Variants in UNC80 observed in about 807,000 individuals in gnomAD.
The protein encoded by UNC80 is unc-80 subunit of NALCN channel complex.
UNC80 carries 164 observed loss-of-function variants against 384.6 expected under a neutral mutation model. The ratio of observed to expected loss-of-function variants is 0.43; its 90% confidence interval spans 0.38 to 0.49. The LOEUF (loss-of-function observed/expected upper bound fraction) is 0.49, where lower values mean the gene tolerates loss of function less well. Among genes scored for constraint, UNC80 ranks in the 20% least tolerant of loss-of-function variants. UNC80 has a pLI of 0.00. For synonymous variants in UNC80, 1,486 were observed against 1,527.8 expected (o/e 0.97, Z 0.64); for missense variants, 3,330 against 4,143.0 (o/e 0.80, Z 5.39).
At chr2:209,979,032 T>A (rs2093087042) in intron 59 of UNC80, among the ~76,000 whole-genome samples, 1 of 152,174 alleles carries the variant, frequency 6.6e-6, no homozygotes, top group African/African-American at 2.4e-5. Context: ...GTGGATCACC[T>A]GAGGTCAGGA....
At chr2:209,903,669 A>T (rs1208501288) in intron 28 of UNC80, among the ~76,000 whole-genome samples, 1 of 128,208 alleles carries the variant, frequency 7.8e-6, no homozygotes, top group Non-Finnish European at 1.6e-5. Context: ...TATACTATAT[A>T]TACACACATG....
Position 209,820,203 on chromosome 2 carries a change from A to G in UNC80, c.1963-108A>G, listed in dbSNP as rs1005356300. 19 of 1,377,304 alleles carry G rather than the reference A, an allele frequency of 1.4e-5. No individual in the cohort carries two copies. The African/African-American group carries it at 1.8e-4, about 13-fold the overall frequency. 85.3% of individuals were successfully genotyped at this position (1,377,304 alleles called of 1,614,324 possible). On this transcript the variant is annotated intron_variant, in intron 12 of 64. Transcript: ENST00000673920. ...CAGTTGTCTAAATTATTTCTACCCA[A>G]TTTCATAGACTAGCCTAAGGAAATG...
chr2:209,805,480 G>A lies in UNC80; in HGVS notation c.939-8100G>A, dbSNP rs1409479564. ...GCTGAAACAGCTTAGCTGAGTGATTGTGGCACAGAGTCTCTCAAGCTGTTG... is the reference window on the plus strand; with the variant it reads ...GCTGAAACAGCTTAGCTGAGTGATTATGGCACAGAGTCTCTCAAGCTGTTG... On this transcript the variant is annotated intron_variant, in intron 7 of 64. Transcript: ENST00000673920. 2.0e-5 allele frequency among the ~76,000 whole-genome samples: 3 copies of A among 152,164 alleles called. No individual in the cohort carries two copies. In the East Asian group the frequency reaches 5.8e-4, roughly 29 times the overall value.
In UNC80 at chr2:209,822,998, T is replaced by C. The variant is rs546296897; in HGVS notation, c.2331+2319T>C. Among the ~76,000 whole-genome samples the C allele has an allele frequency of 3.9e-5, 6 of 152,346 alleles. No individual in the cohort carries two copies. The South Asian group carries it at 1.2e-3, about 32-fold the overall frequency. ...CTGATGGTGGGTCAAATGCCTTCTTTCTGTGATTCACACTGGTTTGTTCTG... is the reference window on the plus strand; with the variant it reads ...CTGATGGTGGGTCAAATGCCTTCTTCCTGTGATTCACACTGGTTTGTTCTG... On this transcript the variant is annotated intron_variant, in intron 13 of 64. Coordinates refer to ENST00000673920, the MANE Select transcript of UNC80 (RefSeq NM_001371986.1).
chr2:209,926,790 A>G, intron 35 of UNC80, 53 bp from the exon 36 acceptor site: 3 of 1,544,744 alleles, frequency 1.9e-6, no homozygotes, highest in Non-Finnish European at 1.8e-6. Context: ...CAACAGTAGC[A>G]ACAAAGAATT....
intron 13 of UNC80, among the ~76,000 whole-genome samples, chr2:209,822,556 AC>A (rs113706523): frequency 0.012 from 1,823 of 152,250 alleles, 39 homozygotes; most frequent in African/African-American, 0.04. Context: ...GAAATTAGAA[AC>A]CAAAAAAAAG....
chr2:209,863,888 G>A (rs536885973), intron 22 of UNC80, among the ~76,000 whole-genome samples: 1 of 151,772 alleles, frequency 6.6e-6, no homozygotes, highest in Non-Finnish European at 1.5e-5. Flanking sequence ...ATGGAGAGAC[G>A]CTGCGATCAT....
At chr2:209,844,998 T>A (rs2082075463) in intron 21 of UNC80, 1 of 151,636 alleles carries the variant, frequency 6.6e-6, no homozygotes, top group Non-Finnish European at 1.5e-5. Context: ...CCCAAAGTGA[T>A]AGTATTTACA....
At chr2:209,781,172 A>G (rs1245885235) in intron 4 of UNC80, among the ~76,000 whole-genome samples, 1 of 152,066 alleles carries the variant, frequency 6.6e-6, no homozygotes, top group Non-Finnish European at 1.5e-5. Context: ...CCTCCCATTT[A>G]CTTACTCTTC....
Position 209,994,027 on chromosome 2 carries a change from A to G in UNC80, c.9509-38A>G, listed in dbSNP as rs78686841. On this transcript the variant is annotated intron_variant, in intron 63 of 64. Transcript: ENST00000673920. ...TAAGCATTGACGGTCCGTTTCCACCAACTCCTCCCCAATTTACTGTTTCAC... is the reference window on the plus strand; with the variant it reads ...TAAGCATTGACGGTCCGTTTCCACCGACTCCTCCCCAATTTACTGTTTCAC... The G allele has an allele frequency of 4.6e-6, 7 of 1,516,662 alleles. No homozygotes were observed. In the East Asian group the frequency reaches 1.7e-4, roughly 38 times the overall value. 94.0% of individuals were successfully genotyped at this position (1,516,662 alleles called of 1,614,324 possible).
intron 7 of UNC80, 44 bp from the exon 8 acceptor site, chr2:209,813,536 A>C: frequency 6.5e-7 from 1 of 1,530,690 alleles, no homozygotes; most frequent in Non-Finnish European, 8.8e-7. Context: ...CCCCTCTGAA[A>C]GCTTGATTGT....
chr2:209,962,685 C>T (rs907977052), intron 51 of UNC80, among the ~76,000 whole-genome samples: 9 of 152,138 alleles, frequency 5.9e-5, no homozygotes, highest in Non-Finnish European at 1.3e-4. Flanking sequence ...AACGCAATTT[C>T]TCACAACAAG....
At chr2:209,957,777 C>T (rs1363635892) in intron 49 of UNC80, 41 bp downstream of exon 49, 5 of 1,530,570 alleles carry the variant, frequency 3.3e-6, no homozygotes, top group Admixed American at 2.0e-5. Context: ...CTCTCAATTT[C>T]ATACAACCCG....
intron 10 of UNC80, among the ~76,000 whole-genome samples, chr2:209,817,340 GACAGGTA>G: frequency 6.6e-6 from 1 of 152,032 alleles, no homozygotes; most frequent in Non-Finnish European, 1.5e-5. Flanking sequence ...TGTGAAATTG[GACAGGTA>G]ACAATCTTAT....
chr2:209,835,679 G>C (rs1459197398), intron 18 of UNC80, among the ~76,000 whole-genome samples: 1 of 152,192 alleles, frequency 6.6e-6, no homozygotes, highest in Non-Finnish European at 1.5e-5. Flanking sequence ...CAAGTGGAGT[G>C]TAAACATGTA....
At position 209,921,640 on chromosome 2, in the gene UNC80, T is replaced by C. The variant is rs1290673784; in HGVS notation, c.5484T>C (p.Ala1828=). ...CTGCCATCCCCATCACCCAGGAGGC[T>C]TGCTATGAGCCCACATGCACGCCCA... ...LITAIPITQE[A]CYEPTCTPNS... Residue 1828 remains alanine, a synonymous_variant, in exon 34 of 65, where the codon GCT becomes GCC. Coordinates refer to ENST00000673920, the MANE Select transcript of UNC80 (RefSeq NM_001371986.1). 3 of 1,551,616 alleles carry C rather than the reference T, an allele frequency of 1.9e-6. No individual in the cohort carries two copies. In the South Asian group the frequency reaches 3.6e-5, roughly 18 times the overall value.
chr2:209,843,882 C>T (rs1252096559), intron 21 of UNC80, among the ~76,000 whole-genome samples: 1 of 152,148 alleles, frequency 6.6e-6, no homozygotes, highest in Non-Finnish European at 1.5e-5. Flanking sequence ...TTTAGCAAAA[C>T]ATGCCTATGA....
At chr2:209,857,320 A>G (rs1229928035) in intron 22 of UNC80, among the ~76,000 whole-genome samples, 1 of 152,180 alleles carries the variant, frequency 6.6e-6, no homozygotes, top group African/African-American at 2.4e-5. Context: ...TGATTATTGA[A>G]AAGTTCTATT....
intron 47 of UNC80, 122 bp from the exon 48 acceptor site, chr2:209,953,978 G>T (rs1422490653): frequency 1.8e-6 from 2 of 1,104,928 alleles, no homozygotes; most frequent in African/African-American, 1.6e-5. Flanking sequence ...ATTAGGAGTG[G>T]CAAGGGGCCT....
Sources: allele counts gnomAD v4.1 joint callset (sites outside exome capture counted in the v4.1 genomes callset), GRCh38; gene constraint gnomAD v4.1.1; transcripts MANE v1.5; gene names NCBI Gene and HGNC (gene_info 2026-07-23, HGNC 2026-07-21).